The following HHAT variants were observed in gnomAD, a reference collection of about 807,000 sequenced individuals.
HHAT encodes hedgehog acyltransferase, also known as protein-cysteine N-palmitoyltransferase HHAT.
In HHAT, 47 loss-of-function variants were observed where a neutral mutation model predicts 70.8. That is an observed-to-expected ratio of 0.66 (90% CI 0.53 to 0.85). The LOEUF (loss-of-function observed/expected upper bound fraction) is 0.85, where lower values mean the gene tolerates loss of function less well. Among genes scored for constraint, HHAT ranks in the 40% least tolerant of loss-of-function variants. The probability of loss-of-function intolerance (pLI) is 0.00; values close to 1 mark genes in which losing one functional copy is unlikely to be tolerated. For synonymous variants in HHAT, 228 were observed against 247.6 expected (o/e 0.92, Z 0.74); for missense variants, 609 against 604.8 (o/e 1.01, Z -0.07).
At chr1:210,462,853 G>A (rs563358732) in intron 7 of HHAT, 1 of 152,198 alleles carries the variant, frequency 6.6e-6, no homozygotes, top group Non-Finnish European at 1.5e-5. Context: ...TCCTAGTGTA[G>A]CATCAAGGAG....
At chr1:210,535,957 A>C (rs1176032467) in intron 9 of HHAT, among the ~76,000 whole-genome samples, 1 of 152,170 alleles carries the variant, frequency 6.6e-6, no homozygotes, top group East Asian at 1.9e-4. Context: ...GTAATTATTC[A>C]ACTAGCAGCC....
chr1:210,328,825 C>A, upstream of HHAT: 1 of 400,192 alleles, frequency 2.5e-6, no homozygotes, highest in Non-Finnish European at 4.3e-6. Context: ...TCTGGCCCGC[C>A]CCCTGCAGCA....
At chr1:210,534,707 C>T (rs182100041) in intron 9 of HHAT, among the ~76,000 whole-genome samples, 1 of 152,158 alleles carries the variant, frequency 6.6e-6, no homozygotes, top group Non-Finnish European at 1.5e-5. Context: ...TGCATTTGGA[C>T]AGTGGCCTGA....
At chr1:210,452,204 A>T (rs748283888) in intron 7 of HHAT, among the ~76,000 whole-genome samples, 2 of 152,144 alleles carry the variant, frequency 1.3e-5, no homozygotes, top group African/African-American at 2.4e-5. Context: ...TCTCCCTCCC[A>T]TAATTCGCCT....
intron 3 of HHAT, among the ~76,000 whole-genome samples, chr1:210,372,364 T>A (rs2089642581): frequency 6.6e-6 from 1 of 152,318 alleles, no homozygotes; most frequent in Admixed American, 6.5e-5. Context: ...CCAAGCCTAT[T>A]TTGTTGTTTA....
At chr1:210,586,304 G>A (rs1052154274) in intron 9 of HHAT, among the ~76,000 whole-genome samples, 1 of 152,072 alleles carries the variant, frequency 6.6e-6, no homozygotes, top group Non-Finnish European at 1.5e-5. Flanking sequence ...GCTGGGTGTG[G>A]TGGTGCATGC....
At chr1:210,328,842 C>G (rs2084724996), upstream of HHAT, 1 of 420,408 alleles carries the variant, frequency 2.4e-6, no homozygotes, top group South Asian at 1.2e-4. Context: ...AGCAGCACGG[C>G]CTGCTCGCCA....
intron 3 of HHAT, among the ~76,000 whole-genome samples, chr1:210,382,246 C>T (rs1040785611): frequency 1.6e-4 from 24 of 152,248 alleles, no homozygotes; most frequent in African/African-American, 5.8e-4. Context: ...ACGACCCCTT[C>T]TCCACGGGTG....
At chr1:210,526,139 G>A (rs2095241401) in intron 9 of HHAT, among the ~76,000 whole-genome samples, 1 of 152,146 alleles carries the variant, frequency 6.6e-6, no homozygotes, top group Non-Finnish European at 1.5e-5. Context: ...GTGACACCGA[G>A]CTTGGAGGGG....
intron 4 of HHAT, among the ~76,000 whole-genome samples, chr1:210,391,948 T>C (rs2091486733): frequency 6.6e-6 from 1 of 152,054 alleles, no homozygotes; most frequent in Non-Finnish European, 1.5e-5. Context: ...TGGCTCACTG[T>C]AACCTCCAAC....
chr1:210,466,448 T>C (rs1447303156), intron 8 of HHAT, among the ~76,000 whole-genome samples: 1 of 152,238 alleles, frequency 6.6e-6, no homozygotes, highest in East Asian at 1.9e-4. Context: ...ACTTTTGATT[T>C]ACTCATCAAA....
chr1:210,665,378 T>C (rs753967468), intron 11 of HHAT, among the ~76,000 whole-genome samples: 39 of 152,214 alleles, frequency 2.6e-4, no homozygotes, highest in Non-Finnish European at 4.6e-4. Context: ...TCTCCTCTCT[T>C]TCCTTCCTTA....
intron 3 of HHAT, among the ~76,000 whole-genome samples, chr1:210,369,428 T>C (rs975783060): frequency 6.6e-6 from 1 of 152,256 alleles, no homozygotes; most frequent in Non-Finnish European, 1.5e-5. Context: ...GAGGTACTTC[T>C]ATAAAGACAC....
intron 3 of HHAT, among the ~76,000 whole-genome samples, chr1:210,381,207 C>T (rs2090609662): frequency 6.6e-6 from 1 of 151,856 alleles, no homozygotes; most frequent in Admixed American, 6.6e-5. Context: ...CTATATGAAG[C>T]AGCATATACT....
chr1:210,670,675 G>A (rs1430193764), intron 11 of HHAT, among the ~76,000 whole-genome samples: 2 of 152,228 alleles, frequency 1.3e-5, no homozygotes, highest in African/African-American at 4.8e-5. Context: ...GCCCTTGACA[G>A]CTGTCTGGTA....
rs570945438 is a variant in HHAT, at chr1:210,481,412, CTTG to C, written c.1007+16759_1007+16761del. 1.1e-3 allele frequency among the ~76,000 whole-genome samples: 170 copies of C among 152,128 alleles called. 1 individual carries two copies. The highest frequency in any genetic ancestry group is 3.8e-3 in the African/African-American group (157 of 41,498). ...GTGCTTGAATAAAGCTTTTCTAACA[CTTG>C]TGTTTTCTCCATAAGGCTCATCACA... is the stretch of plus-strand genomic sequence containing the variant. On this transcript the variant is annotated intron_variant, in intron 8 of 11. Transcript: ENST00000261458.
At chr1:210,579,783 G>T (rs1039226207) in intron 9 of HHAT, among the ~76,000 whole-genome samples, 8 of 152,242 alleles carry the variant, frequency 5.3e-5, no homozygotes, top group Admixed American at 2.0e-4. Context: ...CGGCAAATGT[G>T]CTTGGACTGA....
intron 9 of HHAT, among the ~76,000 whole-genome samples, chr1:210,574,503 G>T (rs1314027062): frequency 6.6e-6 from 1 of 152,242 alleles, no homozygotes; most frequent in Non-Finnish European, 1.5e-5. Context: ...TGAAGGTAGG[G>T]ACTTGCCCAC....
At chr1:210,592,620 A>G (rs1475315622) in intron 10 of HHAT, among the ~76,000 whole-genome samples, 2 of 152,012 alleles carry the variant, frequency 1.3e-5, no homozygotes, top group Non-Finnish European at 2.9e-5. Flanking sequence ...AGATTACTTT[A>G]GGTAATATGG....
Sources: allele counts gnomAD v4.1 joint callset (sites outside exome capture counted in the v4.1 genomes callset), GRCh38; gene constraint gnomAD v4.1.1; transcripts MANE v1.5; gene names NCBI Gene and HGNC (gene_info 2026-07-23, HGNC 2026-07-21).